The following BRINP2 variants were observed in gnomAD, a reference collection of about 807,000 sequenced individuals.
BRINP2 encodes BMP/retinoic acid inducible neural specific 2, also known as BMP/retinoic acid-inducible neural-specific protein 2.
A neutral mutation model predicts 69.2 loss-of-function variants in BRINP2; 21 were observed. The ratio of observed to expected loss-of-function variants is 0.30; its 90% confidence interval spans 0.22 to 0.44. The LOEUF (loss-of-function observed/expected upper bound fraction) is 0.44, where lower values mean the gene tolerates loss of function less well. BRINP2 is among the 20% of genes least tolerant of loss of function. BRINP2 has a pLI of 1.00. For missense variants in BRINP2, 877 were observed against 986.0 expected (o/e 0.89, Z 1.48); for synonymous variants, 380 against 394.1 (o/e 0.96, Z 0.42).
intron 1 of BRINP2, among the ~76,000 whole-genome samples, chr1:177,172,574 C>T (rs936865977): frequency 1.3e-5 from 2 of 152,098 alleles, no homozygotes; most frequent in Non-Finnish European, 1.5e-5. Context: ...AGTAGGAACA[C>T]GAACTTGTGA....
At chr1:177,196,292 T>A (rs1300645148) in intron 1 of BRINP2, among the ~76,000 whole-genome samples, 1 of 152,200 alleles carries the variant, frequency 6.6e-6, no homozygotes, top group African/African-American at 2.4e-5. Context: ...CTGCACTGAC[T>A]CGTTTAAGGA....
At chr1:177,187,822 G>A (rs1268004644) in intron 1 of BRINP2, among the ~76,000 whole-genome samples, 1 of 152,170 alleles carries the variant, frequency 6.6e-6, no homozygotes, top group Non-Finnish European at 1.5e-5. Flanking sequence ...GTATAGAGGA[G>A]TTAACCATAT....
rs767747971 is a variant in BRINP2, at chr1:177,281,435, C to A, written c.2259C>A (p.Asn753Lys). 1.9e-6 allele frequency: 3 copies of A among 1,614,090 alleles called. No individual in the cohort carries two copies. Among genetic ancestry groups the A allele is most frequent in the Admixed American group, 1.7e-5 (1 of 60,016 alleles). ...CLLRHRLKLA[N>K]NEVGRIQSSL... ...TCCGGCATCGGCTTAAGCTGGCCAACAATGAGGTGGGCAGGATCCAGTCCT... is the reference window on the plus strand; with the variant it reads ...TCCGGCATCGGCTTAAGCTGGCCAAAAATGAGGTGGGCAGGATCCAGTCCT... The change falls in exon 8 of 8, where the codon AAC becomes AAA. Residue 753 changes from asparagine to lysine, a missense_variant. This residue lies in a region of BRINP2 where 225 missense variants were observed against 218.7 expected (regional missense o/e 1.03). Coordinates refer to ENST00000361539, the MANE Select transcript of BRINP2 (RefSeq NM_021165.4).
intron 2 of BRINP2, among the ~76,000 whole-genome samples, chr1:177,231,276 G>A (rs958204817): frequency 1.3e-5 from 2 of 152,324 alleles, no homozygotes; most frequent in Non-Finnish European, 2.9e-5. Flanking sequence ...AGGGCACAAA[G>A]CTAGTGAATA....
At chr1:177,176,998 CCT>C (rs1327057373) in intron 1 of BRINP2, among the ~76,000 whole-genome samples, 9 of 152,256 alleles carry the variant, frequency 5.9e-5, no homozygotes, top group African/African-American at 2.2e-4. Context: ...TTTCAAATTT[CCT>C]CCTTTCTTTT....
intron 1 of BRINP2, among the ~76,000 whole-genome samples, chr1:177,203,499 A>G (rs1482602631): frequency 2.0e-5 from 3 of 152,318 alleles, no homozygotes; most frequent in East Asian, 3.9e-4. Flanking sequence ...AAATAAAAAA[A>G]GAAAACATTT....
At chr1:177,211,589 G>A (rs567503868) in intron 1 of BRINP2, among the ~76,000 whole-genome samples, 4 of 152,032 alleles carry the variant, frequency 2.6e-5, no homozygotes, top group Admixed American at 6.6e-5. Flanking sequence ...TGATTTCCTC[G>A]TTCTGTCCAG....
At chr1:177,223,359 G>A (rs1649598729) in intron 1 of BRINP2, among the ~76,000 whole-genome samples, 1 of 152,134 alleles carries the variant, frequency 6.6e-6, no homozygotes, top group Non-Finnish European at 1.5e-5. Context: ...TTGTGTCTGT[G>A]TACCTTTTAA....
At chr1:177,273,427 GA>G in intron 4 of BRINP2, 60 bp from the exon 5 acceptor site, 1 of 1,108,408 alleles carries the variant, frequency 9.0e-7, no homozygotes, top group Non-Finnish European at 1.3e-6. Context: ...CTGGAGAAGG[GA>G]AGTATAAAGG....
At chr1:177,279,117 A>T (rs1004440190) in intron 7 of BRINP2, among the ~76,000 whole-genome samples, 2 of 152,212 alleles carry the variant, frequency 1.3e-5, no homozygotes, top group African/African-American at 4.8e-5. Context: ...CAGCAATTGC[A>T]TCTGATGAAA....
At chr1:177,200,465 C>T (rs1205300114) in intron 1 of BRINP2, among the ~76,000 whole-genome samples, 2 of 152,092 alleles carry the variant, frequency 1.3e-5, no homozygotes, top group African/African-American at 4.8e-5. Context: ...GCCCATCTGA[C>T]CCCATTCCTC....
chr1:177,277,670 G>C (rs1391328008), intron 6 of BRINP2, among the ~76,000 whole-genome samples: 1 of 152,058 alleles, frequency 6.6e-6, no homozygotes, highest in African/African-American at 2.4e-5. Flanking sequence ...CGGTAGCGAA[G>C]GAGAATATCA....
At chr1:177,279,461 C>T (rs534265998) in intron 7 of BRINP2, among the ~76,000 whole-genome samples, 1 of 152,284 alleles carries the variant, frequency 6.6e-6, no homozygotes, top group South Asian at 2.1e-4. Context: ...GAAATGAAAG[C>T]TTCCTTGGAG....
rs1001112406 is a variant in BRINP2 at position 177,210,104 on chromosome 1, G to A, written c.-76-19697G>A. ...GAGAAGTCAAAATAGCAAATTCACT[G>A]ACTTCTCCAAAGTCAGAGAAATTTG... On this transcript the variant is annotated intron_variant, in intron 1 of 7. Coordinates refer to ENST00000361539, the MANE Select transcript of BRINP2 (RefSeq NM_021165.4). 6.6e-5 allele frequency among the ~76,000 whole-genome samples: 10 copies of A among 152,290 alleles called. No homozygotes were observed. In the East Asian group the frequency reaches 1.9e-3, roughly 29 times the overall value.
intron 2 of BRINP2, among the ~76,000 whole-genome samples, chr1:177,255,281 C>T (rs1056853202): frequency 1.3e-5 from 2 of 152,124 alleles, no homozygotes; most frequent in Non-Finnish European, 2.9e-5. Context: ...TCAGAACATA[C>T]AGTTGTCATG....
At chr1:177,240,560 T>C (rs1650168133) in intron 2 of BRINP2, among the ~76,000 whole-genome samples, 1 of 151,512 alleles carries the variant, frequency 6.6e-6, no homozygotes, top group Non-Finnish European at 1.5e-5. Context: ...GCTGTGAGAG[T>C]CCCTGAATGT....
intron 1 of BRINP2, among the ~76,000 whole-genome samples, chr1:177,181,929 C>G (rs1355945666): frequency 6.6e-6 from 1 of 152,184 alleles, no homozygotes; most frequent in Non-Finnish European, 1.5e-5. Flanking sequence ...CGGAGGTTGC[C>G]GAGGAGTGGC....
intron 4 of BRINP2, 45 bp downstream of exon 4, chr1:177,257,429 A>G (rs1191008429): frequency 2.6e-6 from 4 of 1,526,920 alleles, no homozygotes; most frequent in Non-Finnish European, 3.5e-6. Context: ...GGAAGCACTG[A>G]GGAACCAGGG....
chr1:177,257,053 C>A, intron 3 of BRINP2, 123 bp from the exon 4 acceptor site: 5 of 1,557,316 alleles, frequency 3.2e-6, no homozygotes, highest in East Asian at 2.3e-5. Context: ...GGGGGAAGAG[C>A]TTGGCAGCAG....
Sources: allele counts gnomAD v4.1 joint callset (sites outside exome capture counted in the v4.1 genomes callset), GRCh38; gene constraint gnomAD v4.1.1; regional missense constraint gnomAD v4.1.1; transcripts MANE v1.5; gene names NCBI Gene and HGNC (gene_info 2026-07-23, HGNC 2026-07-21).